The following PPP1R16B variants were observed in gnomAD, a reference collection of about 807,000 sequenced individuals.
PPP1R16B encodes the protein protein phosphatase 1 regulatory inhibitor subunit 16B.
A neutral mutation model predicts 61.7 loss-of-function variants in PPP1R16B; 14 were observed. The ratio of observed to expected loss-of-function variants is 0.23; its 90% CI spans 0.15 to 0.35. The LOEUF (loss-of-function observed/expected upper bound fraction) is 0.35. Among genes scored for constraint, PPP1R16B ranks in the 10% least tolerant of loss-of-function variants. PPP1R16B has a pLI of 1.00. For missense variants in PPP1R16B, 547 were observed against 752.5 expected, an observed-to-expected ratio of 0.73 and a Z score of 3.19; for synonymous variants, 266 against 305.3, an observed-to-expected ratio of 0.87 and a Z score of 1.34.
At chr20:38,910,856 A>G (rs569221884) in intron 10 of PPP1R16B, among the ~76,000 whole-genome samples, 36 of 151,800 alleles carry the variant, frequency 2.4e-4, no homozygotes, top group Admixed American at 2.2e-3. Context: ...TTAGCTGGGC[A>G]TGGTGGCACG....
At chr20:38,826,494 A>C (rs1453806351) in intron 1 of PPP1R16B, among the ~76,000 whole-genome samples, 2 of 152,176 alleles carry the variant, frequency 1.3e-5, no homozygotes, top group Non-Finnish European at 2.9e-5. Context: ...GAAGCTCAGC[A>C]TGGAAGACCA....
chr20:38,861,597 C>T (rs1601264447), intron 2 of PPP1R16B, among the ~76,000 whole-genome samples: 1 of 152,250 alleles, frequency 6.6e-6, no homozygotes, highest in East Asian at 1.9e-4. Flanking sequence ...TCCCCCCCAC[C>T]CTTCAGCCAG....
chr20:38,919,263 T>G lies in PPP1R16B; in HGVS notation c.*597T>G, dbSNP rs1380482168. On this transcript the variant is annotated 3_prime_UTR_variant, in exon 11 of 11. Coordinates refer to ENST00000299824, the MANE Select transcript of PPP1R16B (RefSeq NM_015568.4). ...AGCCACACCTGACAGGGGTGAGAAG[T>G]CCTCGCTGTGTTCAGAGGGAGCCAG... The G allele has an allele frequency of 6.6e-6, 1 of 152,612 alleles. No individual in the cohort carries two copies. The highest frequency in any genetic ancestry group is 2.4e-5 in the African/African-American group (1 of 41,380). 9.5% of individuals were successfully genotyped at this position (152,612 alleles called of 1,614,324 possible). A position where few individuals can be genotyped will look rare whatever the true frequency, so the allele number is the denominator to read the frequency against.
intron 10 of PPP1R16B, among the ~76,000 whole-genome samples, chr20:38,911,568 G>A (rs2085490818): frequency 6.9e-6 from 1 of 145,754 alleles, no homozygotes; most frequent in Admixed American, 7.0e-5. Flanking sequence ...ACAGAGTCTC[G>A]CTTTGTCACC....
intron 2 of PPP1R16B, among the ~76,000 whole-genome samples, chr20:38,888,357 C>T (rs2085262441): frequency 2.0e-5 from 3 of 152,210 alleles, no homozygotes; most frequent in Admixed American, 2.0e-4. Context: ...CTTGTGTATT[C>T]AAGTTCGTCC....
chr20:38,840,276 C>T (rs368026079), intron 2 of PPP1R16B, among the ~76,000 whole-genome samples: 9 of 152,220 alleles, frequency 5.9e-5, no homozygotes, highest in African/African-American at 1.2e-4. Context: ...GGTGGCAGCT[C>T]CCCCACTCCC....
chr20:38,834,208 G>C (rs977924693), intron 1 of PPP1R16B, among the ~76,000 whole-genome samples: 1 of 152,094 alleles, frequency 6.6e-6, no homozygotes, highest in Non-Finnish European at 1.5e-5. Context: ...TAAGGGTCTC[G>C]CTATGTTCCC....
At chr20:38,876,210 T>C (rs995593935) in intron 2 of PPP1R16B, among the ~76,000 whole-genome samples, 1 of 152,108 alleles carries the variant, frequency 6.6e-6, no homozygotes, top group African/African-American at 2.4e-5. Flanking sequence ...TGACCTCAGG[T>C]GATCTGCCCG....
chr20:38,820,587 G>A (rs2084767039), intron 1 of PPP1R16B, among the ~76,000 whole-genome samples: 1 of 151,958 alleles, frequency 6.6e-6, no homozygotes, highest in Non-Finnish European at 1.5e-5. Context: ...TCTGTTGGGT[G>A]TATTCCTAGG....
At position 38,921,435 on chromosome 20, in the gene PPP1R16B, A is replaced by G. The variant is rs535288207; in HGVS notation, c.*2769A>G. On this transcript the variant is annotated 3_prime_UTR_variant, in exon 11 of 11. Coordinates refer to ENST00000299824, the MANE Select transcript of PPP1R16B (RefSeq NM_015568.4). Reference sequence around the variant, plus strand: ...TTGTGGTTTCCGTCCCTTGGGGACCACAGGCATCAGCAGTCCCATTCAAGT... The same window carrying G: ...TTGTGGTTTCCGTCCCTTGGGGACCGCAGGCATCAGCAGTCCCATTCAAGT... 1 of 152,390 alleles carries G rather than the reference A, an allele frequency of 6.6e-6. No individual in the cohort carries two copies. Among genetic ancestry groups the G allele is most frequent in the Admixed American group, 6.5e-5 (1 of 15,304 alleles). 9.4% of individuals were successfully genotyped at this position (152,390 alleles called of 1,614,324 possible). A position where few individuals can be genotyped will look rare whatever the true frequency, so the allele number is the denominator to read the frequency against.
At chr20:38,864,614 G>A (rs1358700747) in intron 2 of PPP1R16B, among the ~76,000 whole-genome samples, 2 of 152,116 alleles carry the variant, frequency 1.3e-5, no homozygotes, top group African/African-American at 4.8e-5. Context: ...GAACTGAACC[G>A]CCACCGTAAG....
At position 38,889,656 on chromosome 20, in the gene PPP1R16B, C is replaced by T. The variant is rs758412589; in HGVS notation, c.312C>T (p.Ala104=). The T allele has an allele frequency of 6.3e-7, 1 of 1,592,500 alleles. No homozygotes were observed. The highest frequency in any genetic ancestry group is 1.1e-5 in the South Asian group (1 of 90,642). Residue 104 remains alanine (A), a synonymous_variant, in exon 3 of 11, where the codon GCC becomes GCT. Transcript: ENST00000299824. ...TGTGCAATGAGGACGGACTCACAGC[C>T]CTACACCAGGTAAGGCCGGGCTCGT... is the stretch of plus-strand genomic sequence containing the variant. The part of the protein sequence containing the change: ...PDLCNEDGLT[A]LHQCCIDNFE...
In PPP1R16B at chr20:38,895,719, C is replaced by T. The variant is rs1173338647; in HGVS notation, c.467+9C>T. ...AAGATCCTCGTTCAGTAGTACGTGC[C>T]CCTCCCTGCCCCAGAGCAGCCTCCC... On this transcript the variant is annotated intron_variant, in intron 4 of 10. Transcript: ENST00000299824. 2 of 1,613,296 alleles carry T rather than the reference C, an allele frequency of 1.2e-6. No individual in the cohort carries two copies. Among genetic ancestry groups the T allele is most frequent in the Non-Finnish European group, 1.7e-6 (2 of 1,179,524 alleles).
At chr20:38,837,971 A>T (rs996923403) in intron 2 of PPP1R16B, 1 of 152,242 alleles carries the variant, frequency 6.6e-6, no homozygotes, top group African/African-American at 2.4e-5. Context: ...GCCATGTATG[A>T]TAACACCCAT....
At chr20:38,862,312 A>G (rs1025610839) in intron 2 of PPP1R16B, among the ~76,000 whole-genome samples, 1 of 152,336 alleles carries the variant, frequency 6.6e-6, no homozygotes, top group East Asian at 1.9e-4. Flanking sequence ...CGTGAAAATG[A>G]TATAAGGCAG....
chr20:38,907,766 C>T lies in PPP1R16B; in HGVS notation c.899-40C>T. 1 of 1,611,470 alleles carries T rather than the reference C, an allele frequency of 6.2e-7. No individual in the cohort carries two copies. The highest frequency in any genetic ancestry group is 8.5e-7 in the Non-Finnish European group (1 of 1,178,708). On this transcript the variant is annotated intron_variant, in intron 8 of 10. Coordinates refer to ENST00000299824, the MANE Select transcript of PPP1R16B (RefSeq NM_015568.4). This position sits in a 1 kb window ranked among gnomAD's most constrained non-coding sequence, Gnocchi z 4.5. ...GGAGCACCCTCTTGCGCCACAGGTC[C>T]TGGCCCCGTCCCCCACAACAGACTC...
intron 2 of PPP1R16B, among the ~76,000 whole-genome samples, chr20:38,882,415 C>G (rs539474416): frequency 1.2e-4 from 19 of 152,226 alleles, no homozygotes; most frequent in African/African-American, 4.3e-4. Context: ...GCATCCTGCT[C>G]TGTCATCCAG....
chr20:38,916,284 TATATATATAAC>T (rs2085539072), intron 10 of PPP1R16B, among the ~76,000 whole-genome samples: 1 of 148,260 alleles, frequency 6.7e-6, no homozygotes. Context: ...TATTACCATA[TATATATATAAC>T]ATATATATGT....
intron 1 of PPP1R16B, among the ~76,000 whole-genome samples, chr20:38,830,128 G>A (rs796145514): frequency 1.2e-4 from 18 of 152,318 alleles, no homozygotes; most frequent in African/African-American, 4.3e-4. Flanking sequence ...ACTGTGCTGT[G>A]AGTCAGGCCC....
Sources: gnomAD v4.1 joint callset for allele counts (sites outside exome capture counted in the v4.1 genomes callset) on GRCh38, gnomAD v4.1.1 for gene constraint, Gnocchi (gnomAD v3.1) non-coding constraint, MANE v1.5 for transcripts, NCBI Gene and HGNC (gene_info 2026-07-23, HGNC 2026-07-21) for gene names.